The following GATAD2A variants were observed in gnomAD, a reference collection of about 807,000 sequenced individuals.
GATAD2A encodes transcriptional repressor p66-alpha.
In GATAD2A, 12 loss-of-function variants were observed where a neutral mutation model predicts 68.5. The ratio of observed to expected loss-of-function variants is 0.18; its 90% CI spans 0.11 to 0.28. The LOEUF is 0.28. Ranked by LOEUF, GATAD2A falls within the 10% of genes least tolerant of loss-of-function variation. GATAD2A has a pLI of 1.00. For synonymous variants in GATAD2A, 410 were observed against 375.3 expected, an observed-to-expected ratio of 1.09 and a Z score of -1.07; for missense variants, 755 against 868.5, an observed-to-expected ratio of 0.87 and a Z score of 1.64.
At chr19:19,408,790 A>G (rs1287481149) in intron 1 of GATAD2A, among the ~76,000 whole-genome samples, 1 of 152,138 alleles carries the variant, frequency 6.6e-6, no homozygotes, top group Non-Finnish European at 1.5e-5. Flanking sequence ...GGGGAAACTT[A>G]CAGGGATCAA....
intron 7 of GATAD2A, among the ~76,000 whole-genome samples, chr19:19,497,241 G>T (rs1047887217): frequency 6.6e-6 from 1 of 152,168 alleles, no homozygotes; most frequent in Non-Finnish European, 1.5e-5. Context: ...GACTACAGGC[G>T]CCTGCCACCA....
chr19:19,447,549 G>A (rs1168009195), intron 1 of GATAD2A, among the ~76,000 whole-genome samples: 1 of 152,240 alleles, frequency 6.6e-6, no homozygotes, highest in Non-Finnish European at 1.5e-5. Context: ...GCAAGGTAGA[G>A]GGTAGAAGTA....
chr19:19,499,803 G>A (rs778148398), intron 8 of GATAD2A, among the ~76,000 whole-genome samples: 1 of 152,168 alleles, frequency 6.6e-6, no homozygotes, highest in Non-Finnish European at 1.5e-5. Flanking sequence ...CGTAACTCCC[G>A]GCCACAGGAT....
chr19:19,457,740 C>CAA (rs563484205), intron 1 of GATAD2A, among the ~76,000 whole-genome samples: 6 of 106,556 alleles, frequency 5.6e-5, no homozygotes, highest in South Asian at 2.9e-4. Flanking sequence ...GACTGTGTCT[C>CAA]AAAAAAAAAA....
chr19:19,426,488 C>G (rs2053106760), intron 1 of GATAD2A, among the ~76,000 whole-genome samples: 1 of 152,066 alleles, frequency 6.6e-6, no homozygotes, highest in Non-Finnish European at 1.5e-5. Flanking sequence ...CTCACCATTC[C>G]ATGTGTTTCC....
chr19:19,422,445 C>CA (rs907923425), intron 1 of GATAD2A, among the ~76,000 whole-genome samples: 1 of 152,166 alleles, frequency 6.6e-6, no homozygotes, highest in East Asian at 1.9e-4. Context: ...GCCCCACGTC[C>CA]ACCTGGCACC....
At chr19:19,388,053 TC>T in intron 1 of GATAD2A, among the ~76,000 whole-genome samples, 1 of 134,298 alleles carries the variant, frequency 7.4e-6, no homozygotes, top group East Asian at 2.2e-4. Context: ...ATCAAGCTTC[TC>T]CTCCTTTTTT....
At chr19:19,388,057 C>CTTTTTTTTTTTT (rs1568686046) in intron 1 of GATAD2A, among the ~76,000 whole-genome samples, 1 of 125,984 alleles carries the variant, frequency 7.9e-6, no homozygotes, top group Non-Finnish European at 1.5e-5. Context: ...AGCTTCTCCT[C>CTTTTTTTTTTTT]CTTTTTTTTT....
chr19:19,472,087 G>A (rs1228253363), intron 2 of GATAD2A, among the ~76,000 whole-genome samples: 1 of 152,184 alleles, frequency 6.6e-6, no homozygotes, highest in East Asian at 1.9e-4. Context: ...TTGTAGAGAT[G>A]GGGTTTATTA....
intron 2 of GATAD2A, among the ~76,000 whole-genome samples, chr19:19,489,729 A>G (rs769694772): frequency 6.6e-6 from 1 of 152,252 alleles, no homozygotes; most frequent in Non-Finnish European, 1.5e-5. Flanking sequence ...TAAGATGATA[A>G]GAAGGGTTAA....
At chr19:19,505,287 C>T (rs2060813514) in intron 11 of GATAD2A, 57 bp from the exon 12 acceptor site, 2 of 1,579,848 alleles carry the variant, frequency 1.3e-6, no homozygotes, top group Non-Finnish European at 1.7e-6. Flanking sequence ...GGCTGGGCTC[C>T]TCCCAGGAGC....
Position 19,502,265 on chromosome 19 carries a change from G to A in GATAD2A, c.1579-66G>A, listed in dbSNP as rs139078492. On this transcript the variant is annotated intron_variant, in intron 10 of 11. Coordinates refer to ENST00000683918, the MANE Select transcript of GATAD2A (RefSeq NM_001384528.1). ...GTCAGCCAGAGCAAGGAGAGGCTGC[G>A]CTGAGTGTCTCGCCTGCTGCTGTCT... is the stretch of plus-strand genomic sequence containing the variant. 1,241 of 1,276,982 alleles carry A rather than the reference G, an allele frequency of 9.7e-4. 18 individuals are homozygous for A. In the South Asian group the frequency reaches 0.012, roughly 12 times the overall value. The allele number at this position is 1,276,982 out of a possible 1,614,324, so 79.1% of individuals were successfully genotyped here. A position where few individuals can be genotyped will look rare whatever the true frequency, so the allele number is the denominator to read the frequency against.
intron 1 of GATAD2A, among the ~76,000 whole-genome samples, chr19:19,462,950 C>T (rs1470209325): frequency 6.6e-6 from 1 of 152,034 alleles, no homozygotes. Context: ...GGAACAGGGG[C>T]AGAGTGGGGA....
chr19:19,449,626 A>T (rs1230156156), intron 1 of GATAD2A, among the ~76,000 whole-genome samples: 1 of 150,996 alleles, frequency 6.6e-6, no homozygotes, highest in Non-Finnish European at 1.5e-5. Context: ...AGCCTGGGCA[A>T]CATGGTTGAA....
intron 2 of GATAD2A, among the ~76,000 whole-genome samples, chr19:19,474,679 C>G (rs559806327): frequency 6.6e-6 from 1 of 152,184 alleles, no homozygotes; most frequent in East Asian, 1.9e-4. Context: ...TTTGTGGGTA[C>G]GAGTCAGCAT....
chr19:19,425,152 A>AACCCAG (rs1291776257), intron 1 of GATAD2A, among the ~76,000 whole-genome samples: 3 of 152,158 alleles, frequency 2.0e-5, no homozygotes, highest in Admixed American at 2.0e-4. Flanking sequence ...AAGTGAACAA[A>AACCCAG]ACCCAGCCAC....
chr19:19,404,374 G>A (rs2050004058), upstream of GATAD2A, among the ~76,000 whole-genome samples: 1 of 152,022 alleles, frequency 6.6e-6, no homozygotes, highest in Non-Finnish European at 1.5e-5. Flanking sequence ...CTTTTCAAAT[G>A]AAGTAGAATA....
At chr19:19,404,757 A>G (rs1174301869), upstream of GATAD2A, among the ~76,000 whole-genome samples, 1 of 152,166 alleles carries the variant, frequency 6.6e-6, no homozygotes, top group Non-Finnish European at 1.5e-5. Flanking sequence ...TTTCAGTTGT[A>G]CATATAGATT....
At chr19:19,394,469 G>A (rs1368554362) in intron 1 of GATAD2A, among the ~76,000 whole-genome samples, 2 of 130,204 alleles carry the variant, frequency 1.5e-5, no homozygotes, top group African/African-American at 2.9e-5. Context: ...TTTTTGAGAT[G>A]GAGTCTCGCT....
Sources: allele counts gnomAD v4.1 joint callset (sites outside exome capture counted in the v4.1 genomes callset), GRCh38; gene constraint gnomAD v4.1.1; transcripts MANE v1.5; gene names NCBI Gene and HGNC (gene_info 2026-07-23, HGNC 2026-07-21).